PECAM1: variants seen among roughly 807,000 people sequenced by gnomAD.
PECAM1 encodes the protein platelet and endothelial cell adhesion molecule 1.
In PECAM1, 8 loss-of-function variants were observed where a neutral mutation model predicts 13.8. That is an observed-to-expected ratio of 0.58 (90% CI 0.34 to 1.05). PECAM1 has a LOEUF of 1.05. Among genes scored for constraint, PECAM1 ranks in the 50% least tolerant of loss-of-function variants. PECAM1 has a pLI of 0.03. For synonymous variants in PECAM1, 136 were observed against 52.6 expected (o/e 2.58, Z -6.86); for missense variants, 304 against 141.2 (o/e 2.15, Z -5.84).
In PECAM1 at chr17:64,321,727, C is replaced by T; in HGVS notation, c.*2089G>A. On this transcript the variant is annotated 3_prime_UTR_variant, in exon 16 of 16. Coordinates refer to ENST00000563924, the MANE Select transcript of PECAM1 (RefSeq NM_000442.5). Reference sequence around the variant, plus strand: ...GGTGAGCCATTGTTGTGCCACTGCACTCCAGCCTGGGCAACAGAGCAAGCC... The same window carrying T: ...GGTGAGCCATTGTTGTGCCACTGCATTCCAGCCTGGGCAACAGAGCAAGCC... 2.3e-5 allele frequency: 26 copies of T among 1,134,466 alleles called. No homozygotes were observed. The highest frequency in any genetic ancestry group is 2.9e-5 in the Non-Finnish European group (25 of 876,074). The allele number at this position is 1,134,466 out of a possible 1,614,324, so 70.3% of individuals were successfully genotyped here. A position where few individuals can be genotyped will look rare whatever the true frequency, so the allele number is the denominator to read the frequency against.
In PECAM1 at chr17:64,320,514, G is replaced by A. The variant is rs1376832697; in HGVS notation, c.*3302C>T. The stretch of plus-strand genomic sequence containing the variant: ...CTGCCTATGGTCAAGGCTTTGGTGA[G>A]ACCCACTTTCCTCTTAGACCTTCCT... On this transcript the variant is annotated 3_prime_UTR_variant, in exon 16 of 16. Coordinates refer to ENST00000563924, the MANE Select transcript of PECAM1 (RefSeq NM_000442.5). The A allele has an allele frequency of 2.6e-4, 40 of 152,292 alleles. No homozygotes were observed. The highest frequency in any genetic ancestry group is 2.2e-3 in the Admixed American group (34 of 15,270). 9.4% of individuals were successfully genotyped at this position (152,292 alleles called of 1,614,324 possible). A position where few individuals can be genotyped will look rare whatever the true frequency, so the allele number is the denominator to read the frequency against.
At chr17:64,360,766 A>C (rs2035954912) in intron 6 of PECAM1, among the ~76,000 whole-genome samples, 6 of 150,332 alleles carry the variant, frequency 4.0e-5, no homozygotes, top group Admixed American at 1.3e-4. Context: ...TCTTGTGTTG[A>C]GCAAAGACAC....
chr17:64,375,705 G>A (rs1396625954), intron 3 of PECAM1, among the ~76,000 whole-genome samples: 2 of 151,958 alleles, frequency 1.3e-5, no homozygotes, highest in Admixed American at 6.6e-5. Context: ...GTGTGCACTG[G>A]TAGTCCCAGC....
chr17:64,374,321 CTA>C (rs2036308433), intron 4 of PECAM1, among the ~76,000 whole-genome samples: 1 of 151,836 alleles, frequency 6.6e-6, no homozygotes, highest in Non-Finnish European at 1.5e-5. Flanking sequence ...AAAACCCTGT[CTA>C]TACTAAAAAT....
chr17:64,378,375 C>T (rs2036409893), intron 2 of PECAM1, among the ~76,000 whole-genome samples: 1 of 152,168 alleles, frequency 6.6e-6, no homozygotes, highest in East Asian at 1.9e-4. Context: ...GGTATGGTGG[C>T]TCACGCCTAT....
intron 6 of PECAM1, among the ~76,000 whole-genome samples, 197 bp downstream of exon 6, chr17:64,362,952 G>A (rs967155426): frequency 3.9e-5 from 6 of 152,146 alleles, no homozygotes; most frequent in Non-Finnish European, 5.9e-5. Flanking sequence ...CAAGTCAGAG[G>A]CCACATCATC....
chr17:64,390,043 C>CA (rs1444416053), intron 2 of PECAM1: 57 of 121,952 alleles, frequency 4.7e-4, no homozygotes, highest in African/African-American at 1.1e-3. Flanking sequence ...GACTCTGTCT[C>CA]AAAAAAAAAA....
At chr17:64,363,874 A>T (rs945375661) in intron 5 of PECAM1, among the ~76,000 whole-genome samples, 23 of 152,042 alleles carry the variant, frequency 1.5e-4, no homozygotes, top group African/African-American at 5.1e-4. Context: ...AACCCAGGAG[A>T]CAGAGATTGC....
intron 9 of PECAM1, among the ~76,000 whole-genome samples, chr17:64,354,506 T>C (rs1337918577): frequency 1.1e-4 from 16 of 152,104 alleles, no homozygotes; most frequent in Non-Finnish European, 1.9e-4. Context: ...TTTCCTTGAG[T>C]CTTGGACAGC....
rs2034815041 is a variant in PECAM1, at chr17:64,321,711, T to C, written c.*2105A>G. 3.1e-6 allele frequency: 3 copies of C among 974,192 alleles called. No homozygotes were observed. The highest frequency in any genetic ancestry group is 1.7e-5 in the South Asian group (1 of 57,656). 60.3% of individuals were successfully genotyped at this position (974,192 alleles called of 1,614,324 possible). A position where few individuals can be genotyped will look rare whatever the true frequency, so the allele number is the denominator to read the frequency against. On this transcript the variant is annotated 3_prime_UTR_variant, in exon 16 of 16. Coordinates refer to ENST00000563924, the MANE Select transcript of PECAM1 (RefSeq NM_000442.5). ...AGGGGTTCGAGGCTGCGGTGAGCCA[T>C]TGTTGTGCCACTGCACTCCAGCCTG...
chr17:64,352,329 G>A (rs1352723041), intron 11 of PECAM1, 61 bp downstream of exon 11: 1 of 463,428 alleles, frequency 2.2e-6, no homozygotes, highest in East Asian at 3.1e-5. Context: ...CTTCTGAGAG[G>A]GCTAAGGAAG....
At chr17:64,350,759 C>T (rs982593267) in intron 11 of PECAM1, among the ~76,000 whole-genome samples, 2 of 151,484 alleles carry the variant, frequency 1.3e-5, no homozygotes, top group South Asian at 2.1e-4. Flanking sequence ...CTCCTAGTCT[C>T]GCTTTGTTGC....
At chr17:64,325,301 T>C (rs1555645374) in intron 15 of PECAM1, among the ~76,000 whole-genome samples, 2 of 151,956 alleles carry the variant, frequency 1.3e-5, no homozygotes, top group African/African-American at 4.8e-5. Context: ...GGCAGGAGAA[T>C]GGCGTGAACC....
chr17:64,337,504 C>A (rs2035309131), intron 14 of PECAM1, among the ~76,000 whole-genome samples: 1 of 152,146 alleles, frequency 6.6e-6, no homozygotes, highest in Non-Finnish European at 1.5e-5. Flanking sequence ...TCATTTAACC[C>A]CATTTGCATT....
At chr17:64,376,337 TAAA>T (rs2036358211) in intron 3 of PECAM1, among the ~76,000 whole-genome samples, 1 of 107,786 alleles carries the variant, frequency 9.3e-6, no homozygotes, top group Admixed American at 1.0e-4. Context: ...AATAAATAAA[TAAA>T]TTTAAAAAAT....
chr17:64,346,059 C>T (rs890537489), intron 13 of PECAM1, among the ~76,000 whole-genome samples: 5 of 152,180 alleles, frequency 3.3e-5, no homozygotes, highest in Non-Finnish European at 5.9e-5. Context: ...GTGGCTGGCA[C>T]GGCCTGGAAA....
chr17:64,330,397 G>T (rs74483715), intron 14 of PECAM1, among the ~76,000 whole-genome samples: 13 of 151,600 alleles, frequency 8.6e-5, no homozygotes, highest in Non-Finnish European at 1.6e-4. Context: ...AATCCCAACA[G>T]TTGGAGAGGC....
intron 6 of PECAM1, among the ~76,000 whole-genome samples, chr17:64,360,648 A>G (rs910681260): frequency 2.8e-5 from 4 of 143,190 alleles, no homozygotes; most frequent in African/African-American, 1.0e-4. Flanking sequence ...GAGAAGTACA[A>G]TAAGCAAAAC....
At chr17:64,370,157 C>T in intron 4 of PECAM1, 132 bp from the exon 5 acceptor site, 1 of 397,038 alleles carries the variant, frequency 2.5e-6, no homozygotes, top group Middle Eastern at 6.3e-4. Flanking sequence ...TTCAACCTTT[C>T]TTCTCTAGAA....
Sources: gnomAD v4.1 joint callset for allele counts (sites outside exome capture counted in the v4.1 genomes callset) on GRCh38, gnomAD v4.1.1 for gene constraint, MANE v1.5 for transcripts, NCBI Gene and HGNC (gene_info 2026-07-23, HGNC 2026-07-21) for gene names.